CPN1: variants seen among roughly 807,000 people sequenced by gnomAD.
CPN1 encodes the protein carboxypeptidase N subunit 1.
A neutral mutation model predicts 46.4 loss-of-function variants in CPN1; 37 were observed. That is an observed-to-expected ratio of 0.80 (90% CI 0.61 to 1.05). CPN1 has a LOEUF of 1.05. CPN1 is among the 50% of genes least tolerant of loss of function. The probability of loss-of-function intolerance (pLI) is 0.00; values close to 1 mark genes in which losing one functional copy is unlikely to be tolerated. For synonymous variants in CPN1, 224 were observed against 235.4 expected (o/e 0.95, Z 0.44); for missense variants, 563 against 602.6 (o/e 0.93, Z 0.69).
At chr10:100,068,626 C>T (rs1239329444) in intron 3 of CPN1, among the ~76,000 whole-genome samples, 1 of 152,112 alleles carries the variant, frequency 6.6e-6, no homozygotes, top group Non-Finnish European at 1.5e-5. Context: ...TTCACTGTAA[C>T]CTTGAACTCT....
chr10:100,065,987 A>G (rs2041452901), intron 3 of CPN1, among the ~76,000 whole-genome samples: 1 of 150,728 alleles, frequency 6.6e-6, no homozygotes, highest in South Asian at 2.1e-4. Flanking sequence ...ACAGGATCTT[A>G]CTCTGTCACC....
chr10:100,063,562 G>T, intron 5 of CPN1, 52 bp downstream of exon 5: 1 of 1,318,772 alleles, frequency 7.6e-7, no homozygotes. Context: ...TTTAGAAGGA[G>T]AAATGAGCAC....
At chr10:100,044,930 C>T (rs1472305956) in intron 8 of CPN1, among the ~76,000 whole-genome samples, 1 of 152,158 alleles carries the variant, frequency 6.6e-6, no homozygotes, top group Non-Finnish European at 1.5e-5. Flanking sequence ...AGGCTGGTCT[C>T]GAATTCCTGA....
intron 8 of CPN1, among the ~76,000 whole-genome samples, chr10:100,044,489 C>T (rs1378563431): frequency 6.6e-6 from 1 of 151,998 alleles, no homozygotes; most frequent in Non-Finnish European, 1.5e-5. Flanking sequence ...ATCCTCCCAC[C>T]TCAGCCTCCC....
At chr10:100,075,018 G>A (rs974854450) in intron 2 of CPN1, among the ~76,000 whole-genome samples, 1 of 152,126 alleles carries the variant, frequency 6.6e-6, no homozygotes, top group African/African-American at 2.4e-5. Flanking sequence ...TGCCAGGCAC[G>A]GTGGCTCACG....
intron 7 of CPN1, 60 bp from the exon 8 acceptor site, chr10:100,048,936 G>A: frequency 7.3e-7 from 1 of 1,367,418 alleles, no homozygotes; most frequent in Non-Finnish European, 1.0e-6. Context: ...AAATAAGCTA[G>A]GGTTTTTATC....
chr10:100,044,976 G>A (rs562517414), intron 8 of CPN1, among the ~76,000 whole-genome samples: 2 of 152,212 alleles, frequency 1.3e-5, no homozygotes, highest in African/African-American at 4.8e-5. Flanking sequence ...CTCCTGAAGT[G>A]CTGGGATTAC....
At chr10:100,062,853 G>A (rs192334899) in intron 5 of CPN1, among the ~76,000 whole-genome samples, 21 of 150,986 alleles carry the variant, frequency 1.4e-4, no homozygotes, top group Non-Finnish European at 2.7e-4. Context: ...CTCCCTTCTC[G>A]GCCTCCCAAG....
At chr10:100,075,111 G>A (rs1011780468) in intron 2 of CPN1, among the ~76,000 whole-genome samples, 31 of 152,178 alleles carry the variant, frequency 2.0e-4, no homozygotes, top group African/African-American at 6.3e-4. Flanking sequence ...CCAACCTGGC[G>A]AAATCCCGTC....
intron 7 of CPN1, among the ~76,000 whole-genome samples, chr10:100,050,326 C>G (rs1174359317): frequency 6.6e-6 from 1 of 152,030 alleles, no homozygotes; most frequent in Non-Finnish European, 1.5e-5. Flanking sequence ...TGCACTCCAG[C>G]CTTGGTGACA....
At chr10:100,070,415 G>C (rs2041477424) in intron 2 of CPN1, among the ~76,000 whole-genome samples, 1 of 152,096 alleles carries the variant, frequency 6.6e-6, no homozygotes, top group African/African-American at 2.4e-5. Flanking sequence ...CTCAGGAAGT[G>C]AGGTTGCAAT....
Position 100,069,294 on chromosome 10 carries a change from C to T in CPN1, c.576+420G>A, listed in dbSNP as rs191143978. ...GTCAGGAGTTTGAGACCAGCCTGGT[C>T]AAACGGTGAAACCCCGTCTCTACTA... On this transcript the variant is annotated intron_variant, in intron 3 of 8. Transcript: ENST00000370418. Among the ~76,000 whole-genome samples, 216 of 152,170 alleles carry T rather than the reference C, an allele frequency of 1.4e-3. 1 individual carries two copies. Among genetic ancestry groups the T allele is most frequent in the African/African-American group, 5.0e-3 (209 of 41,524 alleles).
chr10:100,070,001 C>G lies in CPN1; in HGVS notation c.421-132G>C, dbSNP rs1179146314. ...GCAGTGGTACAATCTTGGCTTACTG[C>G]AACCTCTACCTACTGGGCTCAAGCA... On this transcript the variant is annotated intron_variant, in intron 2 of 8. Coordinates refer to ENST00000370418, the MANE Select transcript of CPN1 (RefSeq NM_001308.3). 8 of 976,736 alleles carry G rather than the reference C, an allele frequency of 8.2e-6. No homozygotes were observed. In the South Asian group the frequency reaches 8.6e-5, roughly 10 times the overall value. 60.5% of individuals were successfully genotyped at this position (976,736 alleles called of 1,614,324 possible).
At chr10:100,057,458 A>G (rs560725822) in intron 5 of CPN1, among the ~76,000 whole-genome samples, 2 of 152,320 alleles carry the variant, frequency 1.3e-5, no homozygotes, top group Admixed American at 1.3e-4. Flanking sequence ...GGAAATTAGT[A>G]TAAGGGACCA....
chr10:100,081,619 C>G lies in CPN1; in HGVS notation c.7G>C (p.Asp3His). Reference sequence around the variant, plus strand: ...AGGTGGAGGAAGACTGAGAGCAGGTCTGACATCTTGCTGGGCTTTTTCAAA... The same window carrying G: ...AGGTGGAGGAAGACTGAGAGCAGGTGTGACATCTTGCTGGGCTTTTTCAAA... MS[D>H]LLSVFLHLLL... The change falls in exon 1 of 9, where the codon GAC becomes CAC. Residue 3 changes from aspartate to histidine, a missense_variant. Asp to His is a moderately conservative substitution (Grantham distance 81). Coordinates refer to ENST00000370418, the MANE Select transcript of CPN1 (RefSeq NM_001308.3). 6.2e-7 allele frequency: 1 copy of G among 1,614,068 alleles called. No homozygotes were observed. The highest frequency in any genetic ancestry group is 8.5e-7 in the Non-Finnish European group (1 of 1,180,002).
chr10:100,055,635 C>A (rs1303634480), intron 6 of CPN1, among the ~76,000 whole-genome samples: 2 of 152,196 alleles, frequency 1.3e-5, no homozygotes, highest in East Asian at 3.9e-4. Context: ...AGCGATTCTC[C>A]TGCCTCAGCC....
chr10:100,065,412 G>A, intron 3 of CPN1, 42 bp from the exon 4 acceptor site: 2 of 1,610,582 alleles, frequency 1.2e-6, no homozygotes, highest in South Asian at 1.1e-5. Context: ...GCCAACTGGG[G>A]CTACCAAACA....
At chr10:100,069,585 G>A (rs541163296) in intron 3 of CPN1, 129 bp downstream of exon 3, 1 of 1,068,040 alleles carries the variant, frequency 9.4e-7, no homozygotes, top group Non-Finnish European at 1.5e-6. Context: ...GCTCTAGATG[G>A]GTTAATACTG....
At chr10:100,046,209 A>G (rs1186083938) in intron 8 of CPN1, among the ~76,000 whole-genome samples, 2 of 152,228 alleles carry the variant, frequency 1.3e-5, no homozygotes, top group Non-Finnish European at 2.9e-5. Context: ...GGGATGGTAG[A>G]GCGCCCTCTG....
Sources: gnomAD v4.1 joint callset for allele counts (sites outside exome capture counted in the v4.1 genomes callset) on GRCh38, gnomAD v4.1.1 for gene constraint, MANE v1.5 for transcripts, NCBI Gene and HGNC (gene_info 2026-07-23, HGNC 2026-07-21) for gene names.